Variants in USH2A observed in about 807,000 individuals in gnomAD.
USH2A encodes usherin.
In USH2A, 443 loss-of-function variants were observed where a neutral mutation model predicts 538.9. That is an observed-to-expected ratio of 0.82 (90% CI 0.76 to 0.89). The LOEUF (loss-of-function observed/expected upper bound fraction) is 0.89, where lower values mean the gene tolerates loss of function less well. Ranked by LOEUF, USH2A falls within the 40% of genes least tolerant of loss-of-function variation. The pLI is 0.00. For missense variants in USH2A, 6,633 were observed against 6,324.8 expected (o/e 1.05, Z -1.65); for synonymous variants, 2,413 against 2,273.5 (o/e 1.06, Z -1.75).
chr1:216,259,113 C>G (rs763541093), intron 11 of USH2A, among the ~76,000 whole-genome samples: 1 of 152,096 alleles, frequency 6.6e-6, no homozygotes, highest in Non-Finnish European at 1.5e-5. Flanking sequence ...AAATTGGAAT[C>G]CTGAAACTTC....
chr1:215,985,876 G>A (rs562006226), intron 35 of USH2A, among the ~76,000 whole-genome samples: 9 of 151,976 alleles, frequency 5.9e-5, no homozygotes, highest in South Asian at 2.1e-4. Context: ...TTTAAATAAC[G>A]TTCTATTGTC....
chr1:215,781,426 C>T (rs1661631540), intron 54 of USH2A, among the ~76,000 whole-genome samples: 1 of 152,164 alleles, frequency 6.6e-6, no homozygotes, highest in African/African-American at 2.4e-5. Context: ...ACAAATTACT[C>T]AAGCAGATAT....
chr1:216,103,265 A>T (rs1356231264), intron 21 of USH2A, among the ~76,000 whole-genome samples: 1 of 152,220 alleles, frequency 6.6e-6, no homozygotes, highest in Non-Finnish European at 1.5e-5. Flanking sequence ...GGGTTATAAA[A>T]ATGGGTCAAC....
At chr1:215,712,347 C>T (rs1659360516) in intron 61 of USH2A, among the ~76,000 whole-genome samples, 1 of 152,148 alleles carries the variant, frequency 6.6e-6, no homozygotes, top group African/African-American at 2.4e-5. Context: ...TGTTCTTTCC[C>T]TCAAGTTCTT....
chr1:216,132,890 G>A (rs2033406245), intron 21 of USH2A, among the ~76,000 whole-genome samples: 1 of 152,086 alleles, frequency 6.6e-6, no homozygotes, highest in South Asian at 2.1e-4. Context: ...GCTAATCCAT[G>A]TTAAAATGTT....
chr1:215,716,310 C>A (rs143800807), intron 61 of USH2A, among the ~76,000 whole-genome samples: 1 of 152,214 alleles, frequency 6.6e-6, no homozygotes, highest in Non-Finnish European at 1.5e-5. Flanking sequence ...TGCGTCTTGA[C>A]GGATTTGGGG....
At chr1:216,375,659 A>G (rs1247805142) in intron 3 of USH2A, among the ~76,000 whole-genome samples, 1 of 152,138 alleles carries the variant, frequency 6.6e-6, no homozygotes, top group Non-Finnish European at 1.5e-5. Context: ...TCATTAGAGT[A>G]GCACTTTAAT....
intron 32 of USH2A, among the ~76,000 whole-genome samples, chr1:216,037,631 G>C (rs1039360371): frequency 2.6e-5 from 4 of 152,042 alleles, no homozygotes; most frequent in South Asian, 4.1e-4. Flanking sequence ...GTCTGTAGCT[G>C]ATCTGGGTGC....
In USH2A at chr1:216,103,254, C is replaced by T. The variant is rs146614940; in HGVS notation, c.4628-6041G>A. On this transcript the variant is annotated intron_variant, in intron 21 of 71. Transcript: ENST00000307340. ...TGGGTGCTGGGTACACAAGGCTATC[C>T]GGGTTATAAAAATGGGTCAACCTGC... is the stretch of plus-strand genomic sequence containing the variant. Among the ~76,000 whole-genome samples the T allele has an allele frequency of 3.8e-3, 574 of 152,294 alleles. 3 individuals carry two copies. Among genetic ancestry groups the T allele is most frequent in the Non-Finnish European group, 6.3e-3 (426 of 68,020 alleles).
chr1:216,289,705 A>G (rs1368008268), intron 10 of USH2A, among the ~76,000 whole-genome samples: 1 of 152,110 alleles, frequency 6.6e-6, no homozygotes, highest in Non-Finnish European at 1.5e-5. Context: ...CCTAAACTTA[A>G]AACTTTATAT....
At chr1:215,635,637 C>A (rs1166127982) in intron 69 of USH2A, among the ~76,000 whole-genome samples, 2 of 151,760 alleles carry the variant, frequency 1.3e-5, no homozygotes, top group Non-Finnish European at 2.9e-5. Flanking sequence ...CTCACTGCAA[C>A]CTCTGCCTCT....
At chr1:215,670,475 AT>A (rs111826572) in intron 64 of USH2A, among the ~76,000 whole-genome samples, 3 of 152,098 alleles carry the variant, frequency 2.0e-5, no homozygotes, top group African/African-American at 7.2e-5. Flanking sequence ...ATGCAGTCTT[AT>A]TTTTTTAGGC....
At chr1:216,223,093 A>G (rs1403427372) in intron 14 of USH2A, among the ~76,000 whole-genome samples, 1 of 151,576 alleles carries the variant, frequency 6.6e-6, no homozygotes, top group Admixed American at 6.6e-5. Context: ...ATTTTAGCCT[A>G]GTGAAACTCA....
chr1:216,242,933 A>G (rs1028978785), intron 13 of USH2A, among the ~76,000 whole-genome samples: 1 of 152,216 alleles, frequency 6.6e-6, no homozygotes, highest in Admixed American at 6.5e-5. Flanking sequence ...GCTACTACAC[A>G]TAAAATGTTC....
chr1:215,935,701 T>A (rs1185121113), intron 37 of USH2A, among the ~76,000 whole-genome samples: 1 of 151,912 alleles, frequency 6.6e-6, no homozygotes, highest in African/African-American at 2.4e-5. Flanking sequence ...CAGATGAAAA[T>A]TGTAACATTT....
At chr1:216,032,561 T>A (rs1374324773) in intron 32 of USH2A, among the ~76,000 whole-genome samples, 1 of 152,176 alleles carries the variant, frequency 6.6e-6, no homozygotes, top group African/African-American at 2.4e-5. Context: ...GTGAATTTCA[T>A]GAGATATCAC....
At chr1:216,326,024 G>C (rs2037726729) in intron 5 of USH2A, among the ~76,000 whole-genome samples, 1 of 152,158 alleles carries the variant, frequency 6.6e-6, no homozygotes, top group South Asian at 2.1e-4. Context: ...TTCATCCATG[G>C]GAAAGAAGTA....
At position 215,815,406 on chromosome 1, in the gene USH2A, A is replaced by G. The variant is rs922589015; in HGVS notation, c.9571-1502T>C. Among the ~76,000 whole-genome samples the G allele has an allele frequency of 5.5e-5, 8 of 146,444 alleles. 1 individual carries two copies. The highest frequency in any genetic ancestry group is 4.8e-4 in the Admixed American group (7 of 14,570). On this transcript the variant is annotated intron_variant, in intron 48 of 71. Transcript: ENST00000307340. ...TTTTCTATAAAAGGTGACCCGTATG[A>G]TTTTTTTTTTTTTGTAGAGTAGATT...
At chr1:216,031,007 C>G (rs577693588) in intron 32 of USH2A, among the ~76,000 whole-genome samples, 1 of 151,630 alleles carries the variant, frequency 6.6e-6, no homozygotes, top group African/African-American at 2.4e-5. Context: ...CTTGTATATC[C>G]AACACAACTG....
Sources: allele counts gnomAD v4.1 joint callset (sites outside exome capture counted in the v4.1 genomes callset), GRCh38; gene constraint gnomAD v4.1.1; transcripts MANE v1.5; gene names NCBI Gene and HGNC (gene_info 2026-07-23, HGNC 2026-07-21).